The following STX7 variants were observed in gnomAD, a reference collection of about 807,000 sequenced individuals.
STX7 encodes the protein syntaxin 7, also known as syntaxin-7.
Under a neutral mutation model 39.6 loss-of-function variants are expected in STX7, and 34 were observed. The observed-to-expected ratio is 0.86, with a 90% CI of 0.65 to 1.14. The LOEUF (loss-of-function observed/expected upper bound fraction) is 1.14, where lower values mean the gene tolerates loss of function less well. STX7 is among the 50% of genes most tolerant of loss of function. STX7 has a pLI of 0.00. For missense variants in STX7, 284 were observed against 310.4 expected, an observed-to-expected ratio of 0.92 and a Z score of 0.64; for synonymous variants, 119 against 99.1, an observed-to-expected ratio of 1.20 and a Z score of -1.19.
At chr6:132,509,486 ACAT>A (rs1205077740) in intron 1 of STX7, among the ~76,000 whole-genome samples, 14 of 124,466 alleles carry the variant, frequency 1.1e-4, no homozygotes, top group South Asian at 2.7e-4. Context: ...ACATAACATA[ACAT>A]AACATAACAT....
At chr6:132,505,435 G>GA (rs1202463411) in intron 1 of STX7, among the ~76,000 whole-genome samples, 7 of 152,196 alleles carry the variant, frequency 4.6e-5, no homozygotes, top group Admixed American at 2.6e-4. Flanking sequence ...TGGCCACGCT[G>GA]AAAGTCCTGG....
At position 132,451,468 on chromosome 6, in the gene STX7, T is replaced by C. The variant is rs1774135323; in HGVS notation, c.*9290A>G. 1.3e-5 allele frequency: 2 copies of C among 152,170 alleles called. No individual in the cohort carries two copies. Among genetic ancestry groups the C allele is most frequent in the Non-Finnish European group, 2.9e-5 (2 of 68,042 alleles). The allele number at this position is 152,170 out of a possible 1,614,324, so 9.4% of individuals were successfully genotyped here. On this transcript the variant is annotated 3_prime_UTR_variant, in exon 10 of 10. Coordinates refer to ENST00000367941, the MANE Select transcript of STX7 (RefSeq NM_003569.3). The stretch of plus-strand genomic sequence containing the variant: ...CCTACAAGTCTATGTCTAATGTAAA[T>C]ATTCTTCAGATATCAAGGGAAAATC...
chr6:132,491,582 A>T (rs927030798), intron 2 of STX7, among the ~76,000 whole-genome samples: 2 of 151,936 alleles, frequency 1.3e-5, no homozygotes, highest in African/African-American at 4.8e-5. Flanking sequence ...CTCCTATCTT[A>T]ATTTTTTTGT....
intron 2 of STX7, among the ~76,000 whole-genome samples, chr6:132,483,383 C>T (rs1333393753): frequency 6.6e-6 from 1 of 152,068 alleles, no homozygotes; most frequent in African/African-American, 2.4e-5. Context: ...TGAATCCATG[C>T]AGAATCCATG....
chr6:132,472,398 A>G, intron 3 of STX7, 23 bp from the exon 4 acceptor site: 2 of 1,573,860 alleles, frequency 1.3e-6, no homozygotes, highest in Non-Finnish European at 1.7e-6. Context: ...AACACGCATT[A>G]CAGCCAAAGG....
chr6:132,472,139 T>C (rs1774738437), intron 4 of STX7, 143 bp downstream of exon 4: 1 of 645,162 alleles, frequency 1.5e-6, no homozygotes, highest in Admixed American at 3.5e-5. Flanking sequence ...AGTTTTGTGT[T>C]CTGTGAACTA....
At chr6:132,503,614 T>TA in intron 1 of STX7, 26 bp from the exon 2 acceptor site, 1 of 1,072,846 alleles carries the variant, frequency 9.3e-7, no homozygotes, top group Non-Finnish European at 1.4e-6. Context: ...GTCACACAGA[T>TA]ATATTTTTTA....
chr6:132,509,132 T>G (rs1180417916), intron 1 of STX7, among the ~76,000 whole-genome samples: 1 of 152,160 alleles, frequency 6.6e-6, no homozygotes, highest in Non-Finnish European at 1.5e-5. Flanking sequence ...CTTCCTTGTA[T>G]AACAAAATTG....
At chr6:132,483,383 C>A (rs1333393753) in intron 2 of STX7, among the ~76,000 whole-genome samples, 3 of 152,068 alleles carry the variant, frequency 2.0e-5, no homozygotes, top group African/African-American at 7.2e-5. Context: ...TGAATCCATG[C>A]AGAATCCATG....
chr6:132,489,701 T>C (rs557730807), intron 2 of STX7, among the ~76,000 whole-genome samples: 14 of 152,290 alleles, frequency 9.2e-5, no homozygotes, highest in African/African-American at 2.9e-4. Flanking sequence ...CCAACTACAC[T>C]GGCTTCCTGT....
Position 132,470,015 on chromosome 6 carries a change from T to C in STX7, c.473A>G (p.Glu158Gly). 1 of 1,596,088 alleles carries C rather than the reference T, an allele frequency of 6.3e-7. No homozygotes were observed. The highest frequency in any genetic ancestry group is 8.5e-7 in the Non-Finnish European group (1 of 1,174,472). The change falls in exon 7 of 10, where the codon GAA (glutamate) becomes GGA (glycine). Residue 158 changes from glutamate (E) to glycine (G), a missense_variant. Glu to Gly is a moderately conservative substitution (Grantham distance 98, BLOSUM62 -2). Transcript: ENST00000367941. ...ACGGAGGTCATCCTCTGTAATTTCT[T>C]CATCCTGCACCTGCACTTGAGGTTG... ...QTQPQVQVQDEEITEDDLRLI... is the reference protein window; with the variant it reads ...QTQPQVQVQDGEITEDDLRLI...
intron 8 of STX7, among the ~76,000 whole-genome samples, chr6:132,467,953 G>C (rs1030323497): frequency 6.6e-6 from 1 of 152,058 alleles, no homozygotes. Flanking sequence ...CTACCAAAAA[G>C]CTATTAAAAT....
intron 2 of STX7, among the ~76,000 whole-genome samples, chr6:132,487,709 GA>G (rs879819044): frequency 1.3e-5 from 2 of 152,028 alleles, no homozygotes; most frequent in East Asian, 3.9e-4. Flanking sequence ...GTAATGTACA[GA>G]ATATATGTAA....
chr6:132,487,609 G>A (rs1293255850), intron 2 of STX7, among the ~76,000 whole-genome samples: 2 of 151,576 alleles, frequency 1.3e-5, no homozygotes, highest in Admixed American at 6.6e-5. Context: ...AACCCTGCAC[G>A]TTCTGCACAT....
In STX7 at chr6:132,471,488, C is replaced by A. The variant is rs1042027145; in HGVS notation, c.362G>T (p.Arg121Leu). The change falls in exon 5 of 10, where the codon CGA (arginine) becomes CTA (leucine). Residue 121 changes from arginine (R) to leucine (L), a missense_variant. By Grantham distance (102) the Arg-to-Leu change is moderately radical. Coordinates refer to ENST00000367941, the MANE Select transcript of STX7 (RefSeq NM_003569.3). Reference protein sequence around the residue: ...AAEREKEFVARVRASSRVSGS... With the variant: ...AAEREKEFVALVRASSRVSGS... ...AGACACTCTGGAACTGGCTCTTACT[C>A]GAGCAACAAACTCTTTCTCTCGCTC... 5 of 1,613,754 alleles carry A rather than the reference C, an allele frequency of 3.1e-6. No homozygotes were observed. The highest frequency in any genetic ancestry group is 3.4e-6 in the Non-Finnish European group (4 of 1,179,880).
chr6:132,509,474 T>A (rs1357775911), intron 1 of STX7, among the ~76,000 whole-genome samples: 68 of 69,176 alleles, frequency 9.8e-4, no homozygotes, highest in East Asian at 8.0e-3. Flanking sequence ...TAACATAACA[T>A]AACATAACAT....
At chr6:132,503,200 CTTTAT>C (rs1775619783) in intron 2 of STX7, among the ~76,000 whole-genome samples, 1 of 152,148 alleles carries the variant, frequency 6.6e-6, no homozygotes, top group South Asian at 2.1e-4. Flanking sequence ...CCTTTTAAAT[CTTTAT>C]TTTATTTAAT....
At position 132,472,366 on chromosome 6, in the gene STX7, C is replaced by T. The variant is rs765180688; in HGVS notation, c.165G>A (p.Lys55=). The change falls in exon 4 of 10, where the codon AAG becomes AAA. Residue 55 remains lysine, a synonymous_variant. Transcript: ENST00000367941. ...SPELRQQLQQ[K]QQYTNQLAKE... is the part of the protein sequence containing the mutation. ...TGGCAAGCTGGTTAGTATACTGCTG[C>T]TTCTGTTGCCTAAAGTGAGAAAACA... 43 of 1,610,546 alleles carry T rather than the reference C, an allele frequency of 2.7e-5. No individual in the cohort carries two copies. The highest frequency in any genetic ancestry group is 4.4e-5 in the South Asian group (4 of 90,322).
intron 1 of STX7, among the ~76,000 whole-genome samples, chr6:132,512,632 T>A (rs867622842): frequency 2.0e-5 from 3 of 152,212 alleles, no homozygotes; most frequent in Non-Finnish European, 2.9e-5. Context: ...CATTTGGTCG[T>A]GTCTGGATTC....
Sources: allele counts gnomAD v4.1 joint callset (sites outside exome capture counted in the v4.1 genomes callset), GRCh38; gene constraint gnomAD v4.1.1; transcripts MANE v1.5; gene names NCBI Gene and HGNC (gene_info 2026-07-23, HGNC 2026-07-21).